Variants in SAMMSON observed in about 807,000 individuals in gnomAD.
SAMMSON encodes survival associated mitochondrial melanoma specific oncogenic non-coding RNA.
At chr3:70,196,896 G>A (rs1280365854) in intron 4 of SAMMSON, 1 of 398,464 alleles carries the variant, frequency 2.5e-6, no homozygotes, top group South Asian at 1.3e-4. Flanking sequence ...GTGGCCAAAA[G>A]GACTGCCGGA....
At chr3:70,148,180 G>A (rs1055837443) in intron 4 of SAMMSON, among the ~76,000 whole-genome samples, 1 of 152,108 alleles carries the variant, frequency 6.6e-6, no homozygotes, top group Non-Finnish European at 1.5e-5. Flanking sequence ...AAACATTACT[G>A]ATGGGAATGC....
chr3:70,199,128 C>T (rs970700464), intron 4 of SAMMSON, among the ~76,000 whole-genome samples: 5 of 152,166 alleles, frequency 3.3e-5, no homozygotes, highest in Non-Finnish European at 7.3e-5. Context: ...AATGAGTCCA[C>T]TGGATCCTGT....
chr3:70,325,252 G>T (rs951707024), intron 7 of SAMMSON, among the ~76,000 whole-genome samples: 3 of 152,100 alleles, frequency 2.0e-5, no homozygotes, highest in African/African-American at 7.2e-5. Context: ...ATTCTGTTAT[G>T]CAGGAAACAT....
chr3:70,290,887 C>G (rs1040470487), intron 6 of SAMMSON, among the ~76,000 whole-genome samples: 1 of 152,166 alleles, frequency 6.6e-6, no homozygotes, highest in South Asian at 2.1e-4. Context: ...TTGCGCTTCC[C>G]GAGTGAGGCA....
At chr3:70,024,825 A>T (rs1024270754) in intron 3 of SAMMSON, 1 of 152,092 alleles carries the variant, frequency 6.6e-6, no homozygotes, top group Non-Finnish European at 1.5e-5. Context: ...CAGATCTTGG[A>T]TCTTAACATT....
At chr3:70,428,866 TACTC>T (rs1410545126) in intron 2 of SAMMSON, among the ~76,000 whole-genome samples, 1 of 152,024 alleles carries the variant, frequency 6.6e-6, no homozygotes, top group African/African-American at 2.4e-5. Flanking sequence ...AGCAAATACT[TACTC>T]AGTAATTATA....
intron 6 of SAMMSON, among the ~76,000 whole-genome samples, chr3:70,262,836 G>T (rs896262110): frequency 6.6e-6 from 1 of 152,054 alleles, no homozygotes; most frequent in Non-Finnish European, 1.5e-5. Context: ...TATGTTAGAT[G>T]ACCTGATATT....
chr3:70,026,606 G>A (rs538537504), intron 3 of SAMMSON, among the ~76,000 whole-genome samples: 1 of 152,132 alleles, frequency 6.6e-6, no homozygotes, highest in Admixed American at 6.6e-5. Context: ...TCCTGTGGGA[G>A]GAAAATTGTT....
chr3:70,089,707 T>C (rs903897189), intron 4 of SAMMSON, among the ~76,000 whole-genome samples: 3 of 152,112 alleles, frequency 2.0e-5, no homozygotes, highest in Non-Finnish European at 4.4e-5. Context: ...TCAAGGTGTT[T>C]CGGTAGGGGC....
chr3:70,027,893 A>G (rs1259466081), intron 3 of SAMMSON, among the ~76,000 whole-genome samples: 2 of 152,212 alleles, frequency 1.3e-5, no homozygotes, highest in East Asian at 3.9e-4. Context: ...CCCAGCAAAG[A>G]ATACAGAAGA....
At chr3:70,074,645 G>C (rs1371292039) in intron 4 of SAMMSON, among the ~76,000 whole-genome samples, 1 of 152,090 alleles carries the variant, frequency 6.6e-6, no homozygotes, top group Admixed American at 6.6e-5. Context: ...TTCTGGAAGT[G>C]CTCACACTAC....
chr3:70,401,060 A>G (rs1701136187), intron 2 of SAMMSON, among the ~76,000 whole-genome samples: 1 of 152,198 alleles, frequency 6.6e-6, no homozygotes, highest in African/African-American at 2.4e-5. Context: ...ATCCACTAAT[A>G]TAATATTACA....
At chr3:70,315,508 A>C (rs1702488192) in intron 7 of SAMMSON, among the ~76,000 whole-genome samples, 1 of 152,182 alleles carries the variant, frequency 6.6e-6, no homozygotes. Context: ...AAGGATGGTA[A>C]GAACAGACAC....
intron 4 of SAMMSON, among the ~76,000 whole-genome samples, chr3:70,165,328 G>T (rs1576140707): frequency 6.6e-6 from 1 of 151,930 alleles, no homozygotes; most frequent in Non-Finnish European, 1.5e-5. Context: ...CTAATCTGTT[G>T]GTATTAGAGA....
intron 2 of SAMMSON, among the ~76,000 whole-genome samples, chr3:70,408,490 AAGTTCAG>A (rs1382933046): frequency 1.3e-5 from 2 of 152,104 alleles, no homozygotes; most frequent in Non-Finnish European, 2.9e-5. Flanking sequence ...CATCTCTCTC[AAGTTCAG>A]AGTTCCACAA....
intron 9 of SAMMSON, among the ~76,000 whole-genome samples, chr3:70,382,325 T>A (rs1277587563): frequency 1.3e-5 from 2 of 152,104 alleles, no homozygotes; most frequent in Non-Finnish European, 2.9e-5. Context: ...CTTTAATAAT[T>A]CCACCCAAAC....
intron 6 of SAMMSON, among the ~76,000 whole-genome samples, chr3:70,273,545 G>A (rs1701994541): frequency 6.6e-6 from 1 of 152,080 alleles, no homozygotes; most frequent in Non-Finnish European, 1.5e-5. Context: ...AAAAGGTCAA[G>A]CCTAGTGAAA....
chr3:70,403,047 C>G (rs1701153458), intron 2 of SAMMSON, among the ~76,000 whole-genome samples: 2 of 151,888 alleles, frequency 1.3e-5, no homozygotes, highest in African/African-American at 4.8e-5. Context: ...TCACAGATGC[C>G]CATTTAATAA....
intron 6 of SAMMSON, among the ~76,000 whole-genome samples, chr3:70,271,081 T>G (rs1170339193): frequency 4.6e-5 from 7 of 152,132 alleles, no homozygotes; most frequent in Non-Finnish European, 1.0e-4. Context: ...AATTAAATCA[T>G]AGGCCATTTA....
Sources: allele counts gnomAD v4.1 joint callset (sites outside exome capture counted in the v4.1 genomes callset), GRCh38; gene constraint gnomAD v4.1.1; transcripts MANE v1.5; gene names NCBI Gene and HGNC (gene_info 2026-07-23, HGNC 2026-07-21).